The following PRMT1 variants were observed in gnomAD, a reference collection of about 807,000 sequenced individuals.
The protein encoded by PRMT1 is protein arginine N-methyltransferase 1.
In PRMT1, 5 loss-of-function variants were observed where a neutral mutation model predicts 47.4. The observed-to-expected ratio is 0.11, with a 90% CI of 0.06 to 0.22. PRMT1 has a LOEUF of 0.22. Ranked by LOEUF, PRMT1 falls within the 10% of genes least tolerant of loss-of-function variation. The pLI is 1.00. For missense variants in PRMT1, 249 were observed against 518.4 expected (o/e 0.48, Z 5.05); for synonymous variants, 227 against 204.6 (o/e 1.11, Z -0.94).
chr19:49,681,964 A>G lies in PRMT1; in HGVS notation c.247A>G (p.Asn83Asp). The G allele has an allele frequency of 6.2e-7, 1 of 1,614,192 alleles. No homozygotes were observed. The highest frequency in any genetic ancestry group is 8.5e-7 in the Non-Finnish European group (1 of 1,180,030). ...CACTTACCGCAACTCCATGTTTCATAACCGGCACCTCTTCAAGGACAAGGT... is the reference window on the plus strand; with the variant it reads ...CACTTACCGCAACTCCATGTTTCATGACCGGCACCTCTTCAAGGACAAGGT... ...TLTYRNSMFH[N>D]RHLFKDKVVL... The change falls in exon 4 of 11, where the codon AAC becomes GAC. Residue 83 changes from asparagine to aspartate, a missense_variant. Around this residue, in one of 2 missense-constraint regions of PRMT1, gnomAD observed 190 missense variants for 456.7 expected, o/e 0.42. Transcript: ENST00000454376. This position sits in a 1 kb window ranked among gnomAD's most constrained non-coding sequence, Gnocchi z 4.4.
chr19:49,688,297 G>A lies in PRMT1; in HGVS notation c.*52G>A, dbSNP rs1182798266. 1.3e-6 allele frequency: 2 copies of A among 1,569,682 alleles called. No individual in the cohort carries two copies. The highest frequency in any genetic ancestry group is 1.4e-5 in the African/African-American group (1 of 74,006). ...CCCAGGGGCTGAGCGTTCCTAGGCGGTTTCGGGGCTCCCCCTTCCTCTCCC... is the reference window on the plus strand; with the variant it reads ...CCCAGGGGCTGAGCGTTCCTAGGCGATTTCGGGGCTCCCCCTTCCTCTCCC... On this transcript the variant is annotated 3_prime_UTR_variant, in exon 11 of 11. Transcript: ENST00000454376. This position sits in a 1 kb window ranked among gnomAD's most constrained non-coding sequence, Gnocchi z 5.3.
At chr19:49,682,533 T>C (rs979968503) in intron 5 of PRMT1, among the ~76,000 whole-genome samples, 1 of 152,206 alleles carries the variant, frequency 6.6e-6, no homozygotes, top group African/African-American at 2.4e-5. Context: ...GTGAGAAGCC[T>C]TCCCTGTTTC....
At chr19:49,676,997 C>A (rs551516409), upstream of PRMT1, 1 of 371,964 alleles carries the variant, frequency 2.7e-6, no homozygotes, top group African/African-American at 2.1e-5. Context: ...TGCCCAATCA[C>A]CAGTCGCGCT....
chr19:49,687,706 G>C (rs1055675022), intron 10 of PRMT1: 1 of 206,696 alleles, frequency 4.8e-6, no homozygotes, highest in Non-Finnish European at 1.0e-5. Context: ...ATACTGGAGA[G>C]GGAGGAGGAG....
At chr19:49,679,132 C>T (rs529012986) in intron 1 of PRMT1, among the ~76,000 whole-genome samples, 50 of 152,262 alleles carry the variant, frequency 3.3e-4, no homozygotes, top group African/African-American at 1.2e-3. Context: ...GACCCACCTG[C>T]CTCGGCCTCC....
Position 49,680,298 on chromosome 19 carries a change from A to G in PRMT1, c.91-189A>G, listed in dbSNP as rs2082097889. The G allele has an allele frequency of 1.4e-6, 2 of 1,386,914 alleles. No homozygotes were observed. Among genetic ancestry groups the G allele is most frequent in the African/African-American group, 2.9e-5 (2 of 69,754 alleles). The allele number at this position is 1,386,914 out of a possible 1,614,324, so 85.9% of individuals were successfully genotyped here. ...GATGGTGCTCTGGGGGGGTCCTGGA[A>G]GTGGAAAATGGGGTTGTTAGGTTTT... On this transcript the variant is annotated intron_variant, in intron 2 of 10. Coordinates refer to ENST00000454376, the MANE Select transcript of PRMT1 (RefSeq NM_001536.6). This position sits in a 1 kb window ranked among gnomAD's most constrained non-coding sequence, Gnocchi z 4.2.
chr19:49,679,978 T>A (rs768706805), intron 2 of PRMT1, 53 bp downstream of exon 2: 1 of 1,523,524 alleles, frequency 6.6e-7, no homozygotes, highest in Admixed American at 1.8e-5. Context: ...CATCAATATA[T>A]CTTGCCACAC....
In PRMT1 at chr19:49,685,301, A is replaced by G. The variant is rs192731440; in HGVS notation, c.759+264A>G. On this transcript the variant is annotated intron_variant, in intron 8 of 10. Transcript: ENST00000454376. The surrounding 1 kb of genome is among the most constrained non-coding windows in gnomAD (Gnocchi z 4.7). ...AGCTGGCAGCTAAAGCCCACAGCCC[A>G]TGCACGGAAAGGCAGGACCCCAGGG... The G allele has an allele frequency of 1.4e-6, 2 of 1,392,174 alleles. No homozygotes were observed. The highest frequency in any genetic ancestry group is 1.4e-5 in the African/African-American group (1 of 69,146). 86.2% of individuals were successfully genotyped at this position (1,392,174 alleles called of 1,614,324 possible). A position where few individuals can be genotyped will look rare whatever the true frequency, so the allele number is the denominator to read the frequency against.
At chr19:49,686,900 A>T (rs997073814) in intron 10 of PRMT1, among the ~76,000 whole-genome samples, 174 bp downstream of exon 10, 3 of 151,962 alleles carry the variant, frequency 2.0e-5, no homozygotes, top group African/African-American at 7.3e-5. Flanking sequence ...CGGGTCCCCA[A>T]GCCCCTCAGC....
At position 49,685,214 on chromosome 19, in the gene PRMT1, T is replaced by C; in HGVS notation, c.759+177T>C. 6.5e-7 allele frequency: 1 copy of C among 1,527,890 alleles called. No homozygotes were observed. The highest frequency in any genetic ancestry group is 8.8e-7 in the Non-Finnish European group (1 of 1,142,054). 94.6% of individuals were successfully genotyped at this position (1,527,890 alleles called of 1,614,324 possible). On this transcript the variant is annotated intron_variant, in intron 8 of 10. Transcript: ENST00000454376. This position sits in a 1 kb window ranked among gnomAD's most constrained non-coding sequence, Gnocchi z 4.7. ...AGACACTTCGTCCTTTAAATATCTTTGTGAGCGCTGCTGTGTGAGAACCAT... is the reference window on the plus strand; with the variant it reads ...AGACACTTCGTCCTTTAAATATCTTCGTGAGCGCTGCTGTGTGAGAACCAT...
chr19:49,679,340 G>A (rs998775404), intron 1 of PRMT1, among the ~76,000 whole-genome samples: 22 of 152,154 alleles, frequency 1.4e-4, no homozygotes, highest in African/African-American at 5.3e-4. Context: ...GGGGTCTGGG[G>A]TACTAGCTCT....
upstream of PRMT1, chr19:49,676,553 G>T (rs2082040610): frequency 6.6e-6 from 1 of 152,268 alleles, no homozygotes; most frequent in Non-Finnish European, 1.5e-5. Flanking sequence ...TTAATGTGTT[G>T]ACGACGGACT....
chr19:49,683,687 C>CAAAAAA lies in PRMT1; in HGVS notation c.413-224_413-219dup. 4 of 227,338 alleles carry CAAAAAA rather than the reference C, an allele frequency of 1.8e-5. No homozygotes were observed. The Admixed American group carries it at 2.2e-4, about 13-fold the overall frequency. 14.1% of individuals were successfully genotyped at this position (227,338 alleles called of 1,614,324 possible). Reference sequence around the variant, plus strand: ...TGGGTGACAGAGCAAGACTCCGTCTCAAAAAAAAAAAAAAAAAAAAAGTAA... The same window carrying CAAAAAA: ...TGGGTGACAGAGCAAGACTCCGTCTCAAAAAAAAAAAAAAAAAAAAAAAAAAAGTAA... On this transcript the variant is annotated intron_variant, in intron 5 of 10. Transcript: ENST00000454376.
intron 5 of PRMT1, 49 bp from the exon 6 acceptor site, chr19:49,683,878 A>G: frequency 1.3e-6 from 2 of 1,583,286 alleles, no homozygotes; most frequent in Non-Finnish European, 8.6e-7. Flanking sequence ...AGGTGAGGTG[A>G]GGGGCAGGCC....
chr19:49,676,937 A>G (rs1415762270), upstream of PRMT1: 32 of 269,104 alleles, frequency 1.2e-4, no homozygotes. Context: ...CTCCCCGGGA[A>G]GCTTTGAGGC....
intron 10 of PRMT1, among the ~76,000 whole-genome samples, chr19:49,687,257 C>T (rs973785738): frequency 2.6e-5 from 4 of 151,254 alleles, no homozygotes; most frequent in Admixed American, 6.6e-5. Context: ...AGGGGGCTTC[C>T]GGGGGAGCTG....
At chr19:49,676,656 G>A (rs1020615602), upstream of PRMT1, among the ~76,000 whole-genome samples, 1 of 152,186 alleles carries the variant, frequency 6.6e-6, no homozygotes, top group African/African-American at 2.4e-5. Context: ...ATGAGCACAA[G>A]CTCCCTTTTT....
rs376626464 is a variant in PRMT1, at chr19:49,680,295, G to C, written c.91-192G>C. 2.1e-5 allele frequency: 30 copies of C among 1,437,342 alleles called. No individual in the cohort carries two copies. The highest frequency in any genetic ancestry group is 2.9e-5 in the Non-Finnish European group (30 of 1,024,484). The allele number at this position is 1,437,342 out of a possible 1,614,324, so 89.0% of individuals were successfully genotyped here. On this transcript the variant is annotated intron_variant, in intron 2 of 10. Coordinates refer to ENST00000454376, the MANE Select transcript of PRMT1 (RefSeq NM_001536.6). This position sits in a 1 kb window ranked among gnomAD's most constrained non-coding sequence, Gnocchi z 4.2. The stretch of plus-strand genomic sequence containing the variant: ...CTGGATGGTGCTCTGGGGGGGTCCT[G>C]GAAGTGGAAAATGGGGTTGTTAGGT...
intron 4 of PRMT1, 51 bp from the exon 5 acceptor site, chr19:49,682,145 G>A (rs751319355): frequency 6.2e-7 from 1 of 1,613,796 alleles, no homozygotes; most frequent in South Asian, 1.1e-5. Flanking sequence ...TTGGATGGAG[G>A]TGATGGGGGC....
Sources: allele counts gnomAD v4.1 joint callset (sites outside exome capture counted in the v4.1 genomes callset), GRCh38; gene constraint gnomAD v4.1.1; regional missense constraint gnomAD v4.1.1; non-coding constraint Gnocchi (gnomAD v3.1); transcripts MANE v1.5; gene names NCBI Gene and HGNC (gene_info 2026-07-23, HGNC 2026-07-21).